The following SHC4 variants were observed in gnomAD, a reference collection of about 807,000 sequenced individuals.
SHC4 encodes the protein SHC-transforming protein 4.
A neutral mutation model predicts 69.4 loss-of-function variants in SHC4; 41 were observed. The observed-to-expected ratio is 0.59, with a 90% confidence interval of 0.46 to 0.77. The LOEUF (loss-of-function observed/expected upper bound fraction) is 0.77. Ranked by LOEUF, SHC4 falls within the 30% of genes least tolerant of loss-of-function variation. The probability of loss-of-function intolerance (pLI) is 0.00; values close to 1 mark genes in which losing one functional copy is unlikely to be tolerated. For synonymous variants in SHC4, 318 were observed against 299.3 expected (o/e 1.06, Z -0.64); for missense variants, 777 against 783.8 (o/e 0.99, Z 0.10).
At chr15:48,913,825 C>G (rs1900561581) in intron 2 of SHC4, among the ~76,000 whole-genome samples, 2 of 152,196 alleles carry the variant, frequency 1.3e-5, no homozygotes, top group South Asian at 4.1e-4. Flanking sequence ...CAAATTGACT[C>G]AGCTCCAGGT....
intron 10 of SHC4, among the ~76,000 whole-genome samples, chr15:48,837,945 A>T (rs532348045): frequency 6.6e-6 from 1 of 152,344 alleles, no homozygotes; most frequent in Admixed American, 6.5e-5. Context: ...AAAGAAACCA[A>T]TATGAACTAT....
chr15:48,937,118 G>C (rs992415837), intron 1 of SHC4, among the ~76,000 whole-genome samples: 1 of 152,204 alleles, frequency 6.6e-6, no homozygotes, highest in African/African-American at 2.4e-5. Context: ...GATTCATCAT[G>C]TGCCTTTGCA....
intron 4 of SHC4, chr15:48,878,552 G>C: frequency 6.2e-7 from 1 of 1,614,084 alleles, no homozygotes; most frequent in Non-Finnish European, 8.5e-7. Context: ...CAGAGTATCA[G>C]CCGCTCTTGA....
chr15:48,963,835 T>A lies in SHC4; in HGVS notation c.-820A>T. ...CAGCCGAAAGCTGAGATGTGCAGGA[T>A]GATACGCAGCGTGTTGAAATTTTTA... On this transcript the variant is annotated 5_prime_UTR_variant, in exon 1 of 12. Coordinates refer to ENST00000332408, the MANE Select transcript of SHC4 (RefSeq NM_203349.4). Among the ~76,000 whole-genome samples, 1 of 152,240 alleles carries A rather than the reference T, an allele frequency of 6.6e-6. No homozygotes were observed.
chr15:48,920,102 C>T (rs1487260152), intron 2 of SHC4, among the ~76,000 whole-genome samples: 2 of 151,678 alleles, frequency 1.3e-5, no homozygotes, highest in Admixed American at 6.6e-5. Flanking sequence ...GCAAGCTCCG[C>T]CTCCCGGGTT....
At chr15:48,829,970 T>C (rs1469643179) in intron 11 of SHC4, among the ~76,000 whole-genome samples, 1 of 152,192 alleles carries the variant, frequency 6.6e-6, no homozygotes, top group Non-Finnish European at 1.5e-5. Context: ...AGCATGTAGT[T>C]GGAGCTTGTT....
At chr15:48,829,507 G>A (rs1475655230) in intron 11 of SHC4, among the ~76,000 whole-genome samples, 2 of 151,844 alleles carry the variant, frequency 1.3e-5, no homozygotes, top group African/African-American at 2.4e-5. Flanking sequence ...TTGATATTTT[G>A]ACTTAAAGTT....
At chr15:48,892,957 A>G (rs954891931) in intron 2 of SHC4, among the ~76,000 whole-genome samples, 5 of 152,198 alleles carry the variant, frequency 3.3e-5, no homozygotes, top group African/African-American at 1.2e-4. Context: ...TAACAACAAT[A>G]ATAAAAATAT....
Position 48,962,504 on chromosome 15 carries a change from G to A in SHC4, c.512C>T (p.Pro171Leu). The change falls in exon 1 of 12, where the codon CCA becomes CTA. Residue 171 changes from proline (P) to leucine (L), a missense_variant. By Grantham distance (98) the Pro-to-Leu change is moderately conservative. Transcript: ENST00000332408. ...DSCPLPGPGEPTLRSRQDRHF... is the reference protein window; with the variant it reads ...DSCPLPGPGELTLRSRQDRHF... The stretch of plus-strand genomic sequence containing the variant: ...CCTGTCCTGCCTGCTCCTAAGTGTT[G>A]GCTCCCCAGGGCCAGGAAGCGGGCA... The A allele has an allele frequency of 3.8e-6, 6 of 1,568,700 alleles. No individual in the cohort carries two copies. The highest frequency in any genetic ancestry group is 5.2e-6 in the Non-Finnish European group (6 of 1,158,500).
chr15:48,950,997 T>C (rs1901356767), intron 1 of SHC4, among the ~76,000 whole-genome samples: 2 of 152,192 alleles, frequency 1.3e-5, no homozygotes, highest in South Asian at 4.2e-4. Context: ...CTGTCCTCTC[T>C]TCATCCTGCT....
chr15:48,875,727 G>A (rs553691176), intron 4 of SHC4, among the ~76,000 whole-genome samples: 10 of 152,262 alleles, frequency 6.6e-5, no homozygotes, highest in South Asian at 4.1e-4. Flanking sequence ...ATTTTGCATC[G>A]GTATATGCAT....
chr15:48,886,800 G>A (rs934505261), intron 3 of SHC4, among the ~76,000 whole-genome samples: 7 of 152,216 alleles, frequency 4.6e-5, no homozygotes, highest in South Asian at 4.2e-4. Context: ...TTTCTCCTTC[G>A]AGAAAGAGAA....
chr15:48,927,828 C>T (rs1329798933), intron 1 of SHC4, among the ~76,000 whole-genome samples: 1 of 152,166 alleles, frequency 6.6e-6, no homozygotes, highest in African/African-American at 2.4e-5. Context: ...CCCCCTCCTG[C>T]CACCCTTCAT....
intron 1 of SHC4, among the ~76,000 whole-genome samples, chr15:48,959,012 A>G (rs1418124221): frequency 6.6e-6 from 1 of 152,240 alleles, no homozygotes; most frequent in Non-Finnish European, 1.5e-5. Flanking sequence ...AGGATTCATA[A>G]AGTGTTTTCA....
In SHC4 at chr15:48,923,561, C is replaced by G. The variant is rs11070661; in HGVS notation, c.656+1318G>C. ...CTCTGTCTCAAAAAAAAAAAAAAAA[C>G]AAAAAAGAAAAAAGAAAAAGAAAAT... is the stretch of plus-strand genomic sequence containing the variant. On this transcript the variant is annotated intron_variant, in intron 2 of 11. Transcript: ENST00000332408. Among the ~76,000 whole-genome samples, 217 of 104,048 alleles carry G rather than the reference C, an allele frequency of 2.1e-3. 2 individuals carry two copies. The Middle Eastern group carries it at 0.027, about 13-fold the overall frequency. 68.3% of individuals were successfully genotyped at this position (104,048 alleles called of 152,430 possible).
chr15:48,826,079 T>C lies in SHC4; in HGVS notation c.1785A>G (p.Arg595=). The change falls in exon 12 of 12, where the codon AGA becomes AGG. Residue 595 remains arginine, a synonymous_variant. Transcript: ENST00000332408. ...HVFDNVGHLI[R]YHMDNSLPII... Reference sequence around the variant, plus strand: ...TTGGCAAACTGTTATCCATATGGTATCTGATAAGGTGGCCGACATTATCAA... The same window carrying C: ...TTGGCAAACTGTTATCCATATGGTACCTGATAAGGTGGCCGACATTATCAA... 6.2e-7 allele frequency: 1 copy of C among 1,613,914 alleles called. No individual in the cohort carries two copies. Among genetic ancestry groups the C allele is most frequent in the Non-Finnish European group, 8.5e-7 (1 of 1,179,934 alleles).
chr15:48,904,596 G>A (rs1567066029), intron 2 of SHC4, among the ~76,000 whole-genome samples: 1 of 152,062 alleles, frequency 6.6e-6, no homozygotes, highest in Non-Finnish European at 1.5e-5. Flanking sequence ...AAATATACCT[G>A]GCTGGGCACA....
intron 1 of SHC4, among the ~76,000 whole-genome samples, chr15:48,933,936 C>T (rs1475507565): frequency 1.3e-5 from 2 of 152,064 alleles, no homozygotes; most frequent in Admixed American, 6.6e-5. Context: ...AACATAAACT[C>T]AGAATGGTTA....
Position 48,824,824 on chromosome 15 carries a change from G to A in SHC4, c.*1147C>T, listed in dbSNP as rs1898654436. 1 of 152,568 alleles carries A rather than the reference G, an allele frequency of 6.6e-6. No individual in the cohort carries two copies. Among genetic ancestry groups the A allele is most frequent in the Non-Finnish European group, 1.5e-5 (1 of 68,012 alleles). The allele number at this position is 152,568 out of a possible 1,614,324, so 9.5% of individuals were successfully genotyped here. On this transcript the variant is annotated 3_prime_UTR_variant, in exon 12 of 12. Transcript: ENST00000332408. ...CAGCAACTTGCTGAAGGTCACACTGGTAAGACTCAGCGTAATGCTTTTCTG... is the reference window on the plus strand; with the variant it reads ...CAGCAACTTGCTGAAGGTCACACTGATAAGACTCAGCGTAATGCTTTTCTG...
Sources: allele counts gnomAD v4.1 joint callset (sites outside exome capture counted in the v4.1 genomes callset), GRCh38; gene constraint gnomAD v4.1.1; transcripts MANE v1.5; gene names NCBI Gene and HGNC (gene_info 2026-07-23, HGNC 2026-07-21).